The following PID1 variants were observed in gnomAD, a reference collection of about 807,000 sequenced individuals.
The protein encoded by PID1 is phosphotyrosine interaction domain containing 1.
In PID1, 10 loss-of-function variants were observed where a neutral mutation model predicts 19.1. That is an observed-to-expected ratio of 0.52 (90% CI 0.32 to 0.89). The LOEUF is 0.89. PID1 is among the 40% of genes least tolerant of loss of function. The pLI is 0.03. For synonymous variants in PID1, 130 were observed against 116.0 expected (o/e 1.12, Z -0.78); for missense variants, 248 against 285.3 (o/e 0.87, Z 0.94).
intron 2 of PID1, among the ~76,000 whole-genome samples, chr2:229,090,115 C>A (rs1408549051): frequency 6.6e-6 from 1 of 152,108 alleles, no homozygotes; most frequent in East Asian, 1.9e-4. Flanking sequence ...TTCATATCTC[C>A]CTAAAATAAA....
chr2:229,108,573 C>T (rs914202474), intron 2 of PID1, among the ~76,000 whole-genome samples: 2 of 152,120 alleles, frequency 1.3e-5, no homozygotes. Flanking sequence ...TATGCAAAGT[C>T]ATAAAGAATG....
chr2:229,047,208 G>A (rs7558791), intron 2 of PID1, among the ~76,000 whole-genome samples: 24,396 of 152,110 alleles, frequency 0.16, 3,052 homozygotes, highest in African/African-American at 0.34. Flanking sequence ...GCTGTCAACC[G>A]TTGGCCTTCC....
rs115636231 is a variant in PID1 at position 229,044,704 on chromosome 2, C to T, written c.178-18596G>A. 1.4e-3 allele frequency among the ~76,000 whole-genome samples: 220 copies of T among 152,298 alleles called. 1 individual carries two copies. Among genetic ancestry groups the T allele is most frequent in the African/African-American group, 5.1e-3 (214 of 41,576 alleles). ...CTCGCTCTGCCCCTTGGACTCAGGACTGCTTTATGCTTCTTGCCAGGCCCC... is the reference window on the plus strand; with the variant it reads ...CTCGCTCTGCCCCTTGGACTCAGGATTGCTTTATGCTTCTTGCCAGGCCCC... On this transcript the variant is annotated intron_variant, in intron 2 of 2. Transcript: ENST00000392055.
rs573498627 is a variant in PID1 at position 229,268,573 on chromosome 2, G to C, written c.30+2441C>G. ...TTCCTTGACGAATTTTCTTCACTCT[G>C]GCTCATCTAAATTAGAATGTTTGTA... On this transcript the variant is annotated intron_variant, in intron 1 of 2. Coordinates refer to ENST00000392055, the MANE Select transcript of PID1 (RefSeq NM_001100818.2). Among the ~76,000 whole-genome samples, 4 of 152,176 alleles carry C rather than the reference G, an allele frequency of 2.6e-5. No homozygotes were observed. In the East Asian group the frequency reaches 7.7e-4, roughly 29 times the overall value.
In PID1 at chr2:229,113,409, T is replaced by G. The variant is rs1019969690; in HGVS notation, c.177+42409A>C. Among the ~76,000 whole-genome samples the G allele has an allele frequency of 4.3e-5, 6 of 140,504 alleles. No homozygotes were observed. The East Asian group carries it at 6.0e-4, about 14-fold the overall frequency. The allele number at this position is 140,504 out of a possible 152,430, so 92.2% of individuals were successfully genotyped here. On this transcript the variant is annotated intron_variant, in intron 2 of 2. Coordinates refer to ENST00000392055, the MANE Select transcript of PID1 (RefSeq NM_001100818.2). Reference sequence around the variant, plus strand: ...TTTTATATATATTTATATATATATATTTATATATATATACACACACATACA... The same window carrying G: ...TTTTATATATATTTATATATATATAGTTATATATATATACACACACATACA...
At chr2:229,044,504 C>G (rs1559207347) in intron 2 of PID1, among the ~76,000 whole-genome samples, 1 of 152,322 alleles carries the variant, frequency 6.6e-6, no homozygotes, top group East Asian at 1.9e-4. Context: ...ATCTTAGAGA[C>G]AGTTCCAAAT....
At chr2:229,218,921 T>C (rs1559290377) in intron 1 of PID1, among the ~76,000 whole-genome samples, 1 of 152,214 alleles carries the variant, frequency 6.6e-6, no homozygotes, top group African/African-American at 2.4e-5. Flanking sequence ...CTCCTTTCTT[T>C]GTAGACCCTC....
In PID1 at chr2:229,070,679, G is replaced by C. The variant is rs531000696; in HGVS notation, c.178-44571C>G. Among the ~76,000 whole-genome samples the C allele has an allele frequency of 9.9e-5, 15 of 152,224 alleles. No homozygotes were observed. In the Middle Eastern group the frequency reaches 0.014, roughly 138 times the overall value. On this transcript the variant is annotated intron_variant, in intron 2 of 2. Transcript: ENST00000392055. ...TACGATTCACATAATGAGGCCTTCT[G>C]GGGGAGCAGGAGAGGCATCAAAAGC...
intron 2 of PID1, among the ~76,000 whole-genome samples, chr2:229,085,753 C>T (rs1032977808): frequency 7.2e-5 from 11 of 152,024 alleles, no homozygotes; most frequent in Non-Finnish European, 1.5e-5. Flanking sequence ...TATGGTTCAT[C>T]AGACCACAAA....
chr2:229,079,507 C>T (rs1239633448), intron 2 of PID1, among the ~76,000 whole-genome samples: 2 of 152,184 alleles, frequency 1.3e-5, no homozygotes, highest in Admixed American at 1.3e-4. Flanking sequence ...TCTTTCTATC[C>T]TCTCTAGTTC....
At chr2:229,236,391 G>A (rs1214603449) in intron 1 of PID1, 3 of 152,100 alleles carry the variant, frequency 2.0e-5, no homozygotes, top group African/African-American at 4.8e-5. Flanking sequence ...AGATAGAGTG[G>A]TCAGTCGCAG....
chr2:229,065,307 AT>A (rs1694301192), intron 2 of PID1, among the ~76,000 whole-genome samples: 1 of 152,120 alleles, frequency 6.6e-6, no homozygotes, highest in Non-Finnish European at 1.5e-5. Context: ...CAGGAAAAAA[AT>A]TCCTTCTCCA....
At chr2:229,231,999 G>A in intron 1 of PID1, 1 of 1,550,504 alleles carries the variant, frequency 6.4e-7, no homozygotes, top group African/African-American at 1.4e-5. Context: ...GCAGCACTTG[G>A]AAGGAAGGAA....
intron 2 of PID1, among the ~76,000 whole-genome samples, chr2:229,113,506 A>G (rs1372299707): frequency 1.2e-5 from 1 of 80,836 alleles, no homozygotes; most frequent in African/African-American, 4.8e-5. Flanking sequence ...GTGTGTGTGT[A>G]TACATATATA....
chr2:229,168,338 T>C (rs2106207384), intron 1 of PID1, among the ~76,000 whole-genome samples: 1 of 152,312 alleles, frequency 6.6e-6, no homozygotes, highest in East Asian at 1.9e-4. Flanking sequence ...TCTTGTATGG[T>C]CTGTTCTAAC....
intron 2 of PID1, among the ~76,000 whole-genome samples, chr2:229,148,058 C>A (rs749281307): frequency 6.6e-6 from 1 of 152,170 alleles, no homozygotes; most frequent in Non-Finnish European, 1.5e-5. Flanking sequence ...TTCTATGTGG[C>A]AAACCAGATA....
intron 1 of PID1, among the ~76,000 whole-genome samples, chr2:229,173,059 C>T (rs1242453568): frequency 1.3e-5 from 2 of 152,240 alleles, no homozygotes; most frequent in East Asian, 3.9e-4. Flanking sequence ...TCAGAAGACA[C>T]TATTCAGCCC....
At chr2:229,043,456 AAAG>A (rs1346098396) in intron 2 of PID1, among the ~76,000 whole-genome samples, 2 of 152,178 alleles carry the variant, frequency 1.3e-5, no homozygotes, top group African/African-American at 4.8e-5. Context: ...GAAGAAAAAA[AAAG>A]AAGCTTTTCT....
At chr2:229,099,174 A>C (rs1695029478) in intron 2 of PID1, among the ~76,000 whole-genome samples, 1 of 152,336 alleles carries the variant, frequency 6.6e-6, no homozygotes, top group South Asian at 2.1e-4. Flanking sequence ...TGTGCTGTAC[A>C]ATCAGGGAGT....
Sources: allele counts gnomAD v4.1 joint callset (sites outside exome capture counted in the v4.1 genomes callset), GRCh38; gene constraint gnomAD v4.1.1; transcripts MANE v1.5; gene names NCBI Gene and HGNC (gene_info 2026-07-23, HGNC 2026-07-21).